The following LRRC49 variants were observed in gnomAD, a reference collection of about 807,000 sequenced individuals.
The protein encoded by LRRC49 is leucine rich repeat containing 49, also known as leucine-rich repeat-containing protein 49.
In LRRC49, 50 loss-of-function variants were observed where a neutral mutation model predicts 83.3. That is an observed-to-expected ratio of 0.60 (90% CI 0.48 to 0.76). LRRC49 has a LOEUF of 0.76. Ranked by LOEUF, LRRC49 falls within the 30% of genes least tolerant of loss-of-function variation. The pLI is 0.00. For missense variants in LRRC49, 704 were observed against 809.1 expected (o/e 0.87, Z 1.58); for synonymous variants, 286 against 283.3 (o/e 1.01, Z -0.10).
intron 15 of LRRC49, among the ~76,000 whole-genome samples, chr15:71,045,473 C>T (rs918424054): frequency 7.2e-5 from 11 of 152,042 alleles, no homozygotes; most frequent in African/African-American, 1.9e-4. Flanking sequence ...AATAATTCAG[C>T]GTGCATTTCA....
intron 10 of LRRC49, among the ~76,000 whole-genome samples, chr15:70,982,185 A>G (rs976538293): frequency 6.6e-6 from 1 of 152,164 alleles, no homozygotes; most frequent in African/African-American, 2.4e-5. Context: ...AAGATATTTT[A>G]TGCCCTTTTT....
At chr15:71,023,500 T>G (rs997195153) in intron 14 of LRRC49, among the ~76,000 whole-genome samples, 1 of 152,016 alleles carries the variant, frequency 6.6e-6, no homozygotes, top group Non-Finnish European at 1.5e-5. Context: ...CACCAGCAAC[T>G]GAGGTATCCA....
At chr15:71,022,970 T>C (rs1023394564) in intron 14 of LRRC49, among the ~76,000 whole-genome samples, 5 of 152,214 alleles carry the variant, frequency 3.3e-5, no homozygotes, top group Non-Finnish European at 5.9e-5. Context: ...ATTCAAAATG[T>C]GGTCAATCTT....
chr15:70,978,539 T>C (rs1172012307), intron 9 of LRRC49, among the ~76,000 whole-genome samples: 7 of 152,208 alleles, frequency 4.6e-5, no homozygotes, highest in Non-Finnish European at 8.8e-5. Context: ...GAATATTTGG[T>C]GAACAGCTTT....
At chr15:70,940,251 ATTTTTTTTTTT>A (rs398027829) in intron 8 of LRRC49, among the ~76,000 whole-genome samples, 3 of 87,064 alleles carry the variant, frequency 3.4e-5, no homozygotes, top group African/African-American at 7.8e-5. Flanking sequence ...GAATATATGG[ATTTTTTTTTTT>A]TTTTTTTTTT....
intron 9 of LRRC49, among the ~76,000 whole-genome samples, chr15:70,964,375 G>C (rs1596074221): frequency 6.6e-6 from 1 of 152,022 alleles, no homozygotes; most frequent in African/African-American, 2.4e-5. Flanking sequence ...GTAAAATGGG[G>C]ATCAGAATTA....
chr15:70,882,624 C>T, intron 2 of LRRC49: 1 of 1,613,848 alleles, frequency 6.2e-7, no homozygotes, highest in South Asian at 1.1e-5. Context: ...AGTCTTTTTC[C>T]AAACGCTTTC....
chr15:71,030,727 T>C (rs957158874), intron 14 of LRRC49, among the ~76,000 whole-genome samples: 8 of 152,054 alleles, frequency 5.3e-5, no homozygotes, highest in African/African-American at 1.9e-4. Context: ...TTTCATTCTT[T>C]TTTCTCTAAT....
intron 5 of LRRC49, among the ~76,000 whole-genome samples, chr15:70,910,725 A>C (rs772421313): frequency 5.3e-5 from 8 of 152,224 alleles, no homozygotes; most frequent in Non-Finnish European, 7.3e-5. Flanking sequence ...TCATTTAGTT[A>C]GTATGTTCGT....
intron 11 of LRRC49, among the ~76,000 whole-genome samples, chr15:70,998,477 T>A (rs560063932): frequency 6.6e-6 from 1 of 152,202 alleles, no homozygotes; most frequent in Non-Finnish European, 1.5e-5. Context: ...GTTTTTTTTT[T>A]CTTTCAGCAC....
intron 5 of LRRC49, among the ~76,000 whole-genome samples, chr15:70,908,153 A>G (rs1226767739): frequency 6.6e-6 from 1 of 152,172 alleles, no homozygotes; most frequent in Non-Finnish European, 1.5e-5. Flanking sequence ...TCCGAATCTG[A>G]TGTGAGAGTC....
intron 6 of LRRC49, chr15:70,918,350 G>T (rs1406489578): frequency 6.6e-6 from 1 of 152,252 alleles, no homozygotes; most frequent in Non-Finnish European, 1.5e-5. Flanking sequence ...GGTACCACTG[G>T]CCACAGAGGT....
At chr15:70,981,537 G>C (rs910952256) in intron 10 of LRRC49, among the ~76,000 whole-genome samples, 11 of 151,892 alleles carry the variant, frequency 7.2e-5, no homozygotes, top group Non-Finnish European at 1.2e-4. Context: ...AAAGAAAATG[G>C]AATGGATTGG....
chr15:70,992,929 T>A (rs552177916), intron 11 of LRRC49, among the ~76,000 whole-genome samples: 1 of 152,298 alleles, frequency 6.6e-6, no homozygotes, highest in Non-Finnish European at 1.5e-5. Context: ...GACATTTAAG[T>A]CTGCAGAGGT....
chr15:70,969,444 A>C (rs1463089114), intron 9 of LRRC49, among the ~76,000 whole-genome samples: 1 of 152,156 alleles, frequency 6.6e-6, no homozygotes, highest in Non-Finnish European at 1.5e-5. Context: ...TCATTTTCTT[A>C]GGATTGTCTT....
rs182101592 is a variant in LRRC49, at chr15:70,919,596, G to A, written c.711+403G>A. Reference sequence around the variant, plus strand: ...TGAGAGTTGTGAAGATACACATACTGTATGCTTTGCAGTTTTTAAAGAGGA... The same window carrying A: ...TGAGAGTTGTGAAGATACACATACTATATGCTTTGCAGTTTTTAAAGAGGA... On this transcript the variant is annotated intron_variant, in intron 7 of 15. Coordinates refer to ENST00000260382, the MANE Select transcript of LRRC49 (RefSeq NM_017691.5). Among the ~76,000 whole-genome samples, 34 of 152,282 alleles carry A rather than the reference G, an allele frequency of 2.2e-4. No individual in the cohort carries two copies. The East Asian group carries it at 4.2e-3, about 19-fold the overall frequency.
chr15:70,915,667 T>C (rs1386859908), intron 6 of LRRC49, among the ~76,000 whole-genome samples: 4 of 152,214 alleles, frequency 2.6e-5, no homozygotes, highest in Admixed American at 2.6e-4. Flanking sequence ...TACTGGCTTC[T>C]TGCATTTTAA....
chr15:70,866,489 T>C (rs1354545586), intron 1 of LRRC49, among the ~76,000 whole-genome samples: 1 of 152,170 alleles, frequency 6.6e-6, no homozygotes, highest in African/African-American at 2.4e-5. Context: ...ACTGGTAATT[T>C]CCATACCCCT....
intron 7 of LRRC49, among the ~76,000 whole-genome samples, chr15:70,931,432 G>A (rs1245355053): frequency 6.6e-6 from 1 of 151,978 alleles, no homozygotes; most frequent in African/African-American, 2.4e-5. Flanking sequence ...AATAAAATTT[G>A]AAATATTGTG....
Sources: allele counts gnomAD v4.1 joint callset (sites outside exome capture counted in the v4.1 genomes callset), GRCh38; gene constraint gnomAD v4.1.1; transcripts MANE v1.5; gene names NCBI Gene and HGNC (gene_info 2026-07-23, HGNC 2026-07-21).